NRG1: variants seen among roughly 807,000 people sequenced by gnomAD.
The protein encoded by NRG1 is neuregulin 1.
NRG1 carries 18 observed loss-of-function variants against 63.8 expected under a neutral mutation model. The ratio of observed to expected loss-of-function variants is 0.28; its 90% CI spans 0.19 to 0.42. The LOEUF (loss-of-function observed/expected upper bound fraction) is 0.42. NRG1 is among the 10% of genes least tolerant of loss of function. The pLI, the probability that NRG1 is intolerant of heterozygous loss-of-function variation, is 1.00. For synonymous variants in NRG1, 302 were observed against 301.3 expected, an observed-to-expected ratio of 1.00 and a Z score of -0.02; for missense variants, 762 against 814.7, an observed-to-expected ratio of 0.94 and a Z score of 0.79.
At chr8:32,143,236 T>C (rs1429434089) in intron 1 of NRG1, among the ~76,000 whole-genome samples, 1 of 150,770 alleles carries the variant, frequency 6.6e-6, no homozygotes, top group Non-Finnish European at 1.5e-5. Context: ...TGTTAAGGCT[T>C]TTTTTTTGGG....
In NRG1 at chr8:31,669,480, C is replaced by T. The variant is rs185729202; in HGVS notation, c.37+30049C>T. Among the ~76,000 whole-genome samples the T allele has an allele frequency of 3.7e-4, 57 of 152,202 alleles. 1 individual carries two copies. In the East Asian group the frequency reaches 9.1e-3, roughly 24 times the overall value. ...TCTCGAACTCCTGGGCTCAAGCAAC[C>T]CTTCCACCTTGGTCTCCCAAAGTTC... On this transcript the variant is annotated intron_variant, in intron 1 of 10. Transcript: ENST00000519301.
At chr8:32,054,859 C>CTTTTTT (rs1425879994) in intron 1 of NRG1, among the ~76,000 whole-genome samples, 1 of 70,662 alleles carries the variant, frequency 1.4e-5, no homozygotes, top group African/African-American at 5.6e-5. Context: ...AGATTTCTTT[C>CTTTTTT]TTTCTTTTTT....
Position 32,300,155 on chromosome 8 carries a change from A to G in NRG1, c.38-295673A>G, listed in dbSNP as rs1159985088. The stretch of plus-strand genomic sequence containing the variant: ...AACCCTCATGTGCCACAGAACTTCA[A>G]GTAAATACCAGCCCTGGAATACTAG... On this transcript the variant is annotated intron_variant, in intron 1 of 10. Transcript: ENST00000519301. Among the ~76,000 whole-genome samples the G allele has an allele frequency of 4.6e-5, 7 of 152,296 alleles. No individual in the cohort carries two copies. In the South Asian group the frequency reaches 1.2e-3, roughly 27 times the overall value.
exon 12 of NRG1, chr8:32,767,460 T>C (rs568015872): frequency 2.6e-5 from 4 of 152,144 alleles, no homozygotes; most frequent in Non-Finnish European, 5.9e-5. Flanking sequence ...TGAAGAGAAA[T>C]GTAGGCAGAA....
intron 1 of NRG1, among the ~76,000 whole-genome samples, chr8:31,703,581 CT>C (rs1287824790): frequency 6.6e-6 from 1 of 152,124 alleles, no homozygotes; most frequent in Non-Finnish European, 1.5e-5. Flanking sequence ...TTACAAATGT[CT>C]TGCTTAAATG....
chr8:32,372,074 A>C (rs1267953745), intron 1 of NRG1, among the ~76,000 whole-genome samples: 5 of 145,022 alleles, frequency 3.4e-5, no homozygotes, highest in African/African-American at 1.3e-4. Flanking sequence ...CTGTGGTGTC[A>C]ACCTCCCAGG....
intron 1 of NRG1, among the ~76,000 whole-genome samples, chr8:31,848,695 T>C (rs1209348636): frequency 6.6e-6 from 1 of 152,172 alleles, no homozygotes; most frequent in East Asian, 1.9e-4. Context: ...AACCCTATTA[T>C]GAACTGCACA....
At chr8:32,142,912 G>A (rs866610478) in intron 1 of NRG1, among the ~76,000 whole-genome samples, 2 of 152,346 alleles carry the variant, frequency 1.3e-5, no homozygotes, top group Admixed American at 6.5e-5. Context: ...GTATACTTAT[G>A]TCTGCCTTCG....
chr8:31,649,153 C>T (rs973084924), intron 1 of NRG1, among the ~76,000 whole-genome samples: 13 of 152,042 alleles, frequency 8.6e-5, no homozygotes, highest in Non-Finnish European at 1.8e-4. Flanking sequence ...TGGGGTTTCA[C>T]CATGTTGGCC....
At chr8:31,645,844 G>T (rs542852087) in intron 1 of NRG1, among the ~76,000 whole-genome samples, 1 of 152,136 alleles carries the variant, frequency 6.6e-6, no homozygotes, top group Non-Finnish European at 1.5e-5. Flanking sequence ...TGGATGGACC[G>T]TAAGAGACTG....
intron 5 of NRG1, among the ~76,000 whole-genome samples, chr8:32,628,085 TCA>T (rs1312428108): frequency 6.6e-6 from 1 of 152,212 alleles, no homozygotes; most frequent in Non-Finnish European, 1.5e-5. Flanking sequence ...TCAATAATTC[TCA>T]GTCTACAAAG....
intron 1 of NRG1, among the ~76,000 whole-genome samples, chr8:32,499,558 C>A (rs575279020): frequency 1.3e-5 from 2 of 152,178 alleles, no homozygotes; most frequent in Admixed American, 1.3e-4. Context: ...CCTGTGGTAC[C>A]AACTACTCAG....
At chr8:32,221,847 A>AT (rs981514164) in intron 1 of NRG1, among the ~76,000 whole-genome samples, 7 of 151,516 alleles carry the variant, frequency 4.6e-5, no homozygotes, top group South Asian at 2.1e-4. Context: ...ATATCTTTAT[A>AT]TTTTTTTTGC....
intron 1 of NRG1, among the ~76,000 whole-genome samples, chr8:31,972,373 T>C (rs1807436907): frequency 6.6e-6 from 1 of 152,164 alleles, no homozygotes; most frequent in Admixed American, 6.5e-5. Flanking sequence ...ACCTCGGCTC[T>C]TCCCAGGACT....
chr8:32,236,192 A>T (rs962072342), intron 1 of NRG1, among the ~76,000 whole-genome samples: 3 of 151,664 alleles, frequency 2.0e-5, no homozygotes, highest in Non-Finnish European at 2.9e-5. Flanking sequence ...GAAGTGAATG[A>T]CATCGTTTTT....
At chr8:32,043,462 TCA>T (rs1820417778) in intron 1 of NRG1, among the ~76,000 whole-genome samples, 1 of 151,942 alleles carries the variant, frequency 6.6e-6, no homozygotes, top group African/African-American at 2.4e-5. Context: ...AAGAAATTCT[TCA>T]CACACAAGAA....
At chr8:32,318,755 A>G (rs1369482509) in intron 1 of NRG1, among the ~76,000 whole-genome samples, 1 of 152,204 alleles carries the variant, frequency 6.6e-6, no homozygotes, top group East Asian at 1.9e-4. Flanking sequence ...CAGTTTTATG[A>G]CAGGCTGAGA....
chr8:32,280,697 T>G (rs568716381), intron 1 of NRG1, among the ~76,000 whole-genome samples: 5,847 of 133,090 alleles, frequency 0.044, 398 homozygotes, highest in African/African-American at 0.13. Context: ...TTTTGTTTTT[T>G]TTTTTTTTTT....
intron 1 of NRG1, among the ~76,000 whole-genome samples, chr8:31,807,973 G>A (rs993795995): frequency 2.1e-5 from 3 of 146,252 alleles, no homozygotes; most frequent in African/African-American, 7.5e-5. Context: ...GTGTGTGTGT[G>A]TGTATCACAT....
Sources: gnomAD v4.1 joint callset for allele counts (sites outside exome capture counted in the v4.1 genomes callset) on GRCh38, gnomAD v4.1.1 for gene constraint, MANE v1.5 for transcripts, NCBI Gene and HGNC (gene_info 2026-07-23, HGNC 2026-07-21) for gene names.